TBC1D19: variants seen among roughly 807,000 people sequenced by gnomAD.
The protein encoded by TBC1D19 is TBC1 domain family, member 19.
Under a neutral mutation model 89.0 loss-of-function variants are expected in TBC1D19, and 60 were observed. That is an observed-to-expected ratio of 0.67 (90% confidence interval 0.55 to 0.84). The LOEUF is 0.84. TBC1D19 is among the 40% of genes least tolerant of loss of function. The pLI is 0.00. For synonymous variants in TBC1D19, 189 were observed against 199.7 expected (o/e 0.95, Z 0.45); for missense variants, 500 against 610.8 (o/e 0.82, Z 1.91).
At chr4:26,661,504 C>T (rs1323413516) in intron 8 of TBC1D19, among the ~76,000 whole-genome samples, 1 of 152,092 alleles carries the variant, frequency 6.6e-6, no homozygotes, top group African/African-American at 2.4e-5. Flanking sequence ...TCTTTATTAC[C>T]TCATTTCTAA....
intron 16 of TBC1D19, 32 bp downstream of exon 16, chr4:26,735,519 C>G (rs546988375): frequency 6.6e-7 from 1 of 1,520,540 alleles, no homozygotes; most frequent in East Asian, 2.4e-5. Context: ...TCATAATGTA[C>G]ACAAAACATA....
At chr4:26,758,926 C>A (rs565608324), downstream of TBC1D19, among the ~76,000 whole-genome samples, 23 of 152,306 alleles carry the variant, frequency 1.5e-4, no homozygotes, top group African/African-American at 5.5e-4. Context: ...CATGACCTTA[C>A]AAGGATAAAT....
chr4:26,788,782 T>C, the TBC1D19 span, among the ~76,000 whole-genome samples: 23 of 152,124 alleles, frequency 1.5e-4, no homozygotes, highest in Non-Finnish European at 2.4e-4. Flanking sequence ...TACCTACCTA[T>C]CAAGTCGGCT....
Position 26,717,974 on chromosome 4 carries a change from C to T in TBC1D19, c.996C>T (p.His332=), listed in dbSNP as rs1327555451. Residue 332 remains histidine (H), a synonymous_variant, in exon 14 of 21, where the codon CAC becomes CAT. Transcript: ENST00000264866. ...CFSRDTSVLS[H]FAFNSASPPK... is the part of the protein sequence containing the mutation. Reference sequence around the variant, plus strand: ...CCCGGGATACATCTGTGTTGAGTCACTTTGCATTCAACAGTGCCTCGCCAC... The same window carrying T: ...CCCGGGATACATCTGTGTTGAGTCATTTTGCATTCAACAGTGCCTCGCCAC... 4.3e-6 allele frequency: 7 copies of T among 1,612,020 alleles called. No individual in the cohort carries two copies. The highest frequency in any genetic ancestry group is 5.9e-6 in the Non-Finnish European group (7 of 1,179,038).
chr4:26,698,655 C>T (rs2109199573), intron 13 of TBC1D19, among the ~76,000 whole-genome samples: 1 of 152,208 alleles, frequency 6.6e-6, no homozygotes, highest in Admixed American at 6.5e-5. Context: ...GTACTGCTAC[C>T]AAAACAGAGA....
At chr4:26,742,478 A>G (rs889297784) in intron 17 of TBC1D19, 30 bp from the exon 18 acceptor site, 10 of 1,507,644 alleles carry the variant, frequency 6.6e-6, no homozygotes, top group African/African-American at 2.8e-5. Context: ...TAAAATATCT[A>G]TTTCTCTTAT....
the TBC1D19 span, among the ~76,000 whole-genome samples, chr4:26,847,212 T>G: frequency 6.6e-6 from 1 of 152,174 alleles, no homozygotes; most frequent in South Asian, 2.1e-4. Flanking sequence ...GAACTCACAT[T>G]CTCATGGGAG....
intron 12 of TBC1D19, among the ~76,000 whole-genome samples, chr4:26,685,816 G>A (rs1713763499): frequency 6.6e-6 from 1 of 152,170 alleles, no homozygotes; most frequent in South Asian, 2.1e-4. Flanking sequence ...TGGCCTGTAA[G>A]ACCATTAGCC....
At chr4:26,785,158 T>C in the TBC1D19 span, among the ~76,000 whole-genome samples, 1 of 152,228 alleles carries the variant, frequency 6.6e-6, no homozygotes, top group Admixed American at 6.5e-5. Flanking sequence ...CTACCCACTC[T>C]AGCTATTATT....
At chr4:26,768,078 G>T in the TBC1D19 span, among the ~76,000 whole-genome samples, 2 of 152,266 alleles carry the variant, frequency 1.3e-5, no homozygotes, top group East Asian at 3.9e-4. Context: ...ATCTGCAAAA[G>T]ATCCCCTCAA....
chr4:26,803,151 C>T, the TBC1D19 span, among the ~76,000 whole-genome samples: 1 of 152,136 alleles, frequency 6.6e-6, no homozygotes, highest in Non-Finnish European at 1.5e-5. Context: ...CTTCTCTATG[C>T]AGATTTCCTG....
chr4:26,577,488 G>C (rs1052286970), intron 1 of TBC1D19, among the ~76,000 whole-genome samples: 12 of 152,198 alleles, frequency 7.9e-5, no homozygotes, highest in Non-Finnish European at 1.6e-4. Context: ...GGGAAAATTG[G>C]AAATGGGTTT....
At chr4:26,772,125 CTTTT>C in the TBC1D19 span, among the ~76,000 whole-genome samples, 18 of 139,914 alleles carry the variant, frequency 1.3e-4, no homozygotes, top group Admixed American at 2.1e-4. Context: ...AGCCCTCCAA[CTTTT>C]TTTTTTTTTT....
chr4:26,735,308 T>G (rs1426980283), intron 15 of TBC1D19, 147 bp from the exon 16 acceptor site: 2 of 603,446 alleles, frequency 3.3e-6, no homozygotes. Flanking sequence ...TCTTTATTGT[T>G]TACTATCACT....
At chr4:26,650,228 C>A (rs894888093) in intron 7 of TBC1D19, among the ~76,000 whole-genome samples, 141 of 151,508 alleles carry the variant, frequency 9.3e-4, no homozygotes, top group African/African-American at 3.0e-3. Context: ...GTATATACCC[C>A]GTAATGGAAT....
At position 26,640,170 on chromosome 4, in the gene TBC1D19, C is replaced by T. The variant is rs749041245; in HGVS notation, c.463C>T (p.Pro155Ser). 51 of 1,608,438 alleles carry T rather than the reference C, an allele frequency of 3.2e-5. No homozygotes were observed. The highest frequency in any genetic ancestry group is 4.1e-5 in the Non-Finnish European group (48 of 1,176,154). Reference sequence around the variant, plus strand: ...AAGCCTTTTCAGACCTGTTTATGCACCTAAGGATTTTCTTGAGGTAGGTTC... The same window carrying T: ...AAGCCTTTTCAGACCTGTTTATGCATCTAAGGATTTTCTTGAGGTAGGTTC... ...DLSLFRPVYA[P>S]KDFLEVLINL... The change falls in exon 7 of 21, where the codon CCT becomes TCT. Residue 155 changes from proline to serine, a missense_variant. Coordinates refer to ENST00000264866, the MANE Select transcript of TBC1D19 (RefSeq NM_018317.4).
chr4:26,590,066 A>G (rs927762445), intron 1 of TBC1D19, among the ~76,000 whole-genome samples: 1 of 152,162 alleles, frequency 6.6e-6, no homozygotes, highest in African/African-American at 2.4e-5. Flanking sequence ...ACTAGCCTAC[A>G]TCTTGTCTAT....
intron 1 of TBC1D19, among the ~76,000 whole-genome samples, chr4:26,606,319 C>G (rs566286141): frequency 6.6e-6 from 1 of 152,262 alleles, no homozygotes; most frequent in Non-Finnish European, 1.5e-5. Flanking sequence ...GGTAAGAAGG[C>G]TCTGTTATAT....
the TBC1D19 span, among the ~76,000 whole-genome samples, chr4:26,831,378 G>A: frequency 2.0e-5 from 3 of 152,054 alleles, no homozygotes; most frequent in Non-Finnish European, 2.9e-5. Context: ...TGCAGGACAG[G>A]TGATCTCTGC....
Sources: allele counts gnomAD v4.1 joint callset (sites outside exome capture counted in the v4.1 genomes callset), GRCh38; gene constraint gnomAD v4.1.1; transcripts MANE v1.5; gene names NCBI Gene and HGNC (gene_info 2026-07-23, HGNC 2026-07-21).